STXBP5L: variants seen among roughly 807,000 people sequenced by gnomAD.
STXBP5L encodes syntaxin binding protein 5L.
Under a neutral mutation model 144.5 loss-of-function variants are expected in STXBP5L, and 65 were observed. The observed-to-expected ratio is 0.45, with a 90% confidence interval of 0.37 to 0.55. The LOEUF is 0.55. Among genes scored for constraint, STXBP5L ranks in the 20% least tolerant of loss-of-function variants. The pLI is 0.00. For synonymous variants in STXBP5L, 505 were observed against 469.6 expected, an observed-to-expected ratio of 1.08 and a Z score of -0.97; for missense variants, 1,298 against 1,405.5, an observed-to-expected ratio of 0.92 and a Z score of 1.22.
intron 22 of STXBP5L, among the ~76,000 whole-genome samples, chr3:121,390,155 T>TTTTTTAGTTGATCC (rs1212328363): frequency 1.3e-5 from 2 of 152,228 alleles, no homozygotes; most frequent in African/African-American, 4.8e-5. Context: ...CTTCTTTGTC[T>TTTTTTAGTTGATCC]CTTTTGACCT....
intron 20 of STXBP5L, among the ~76,000 whole-genome samples, chr3:121,328,903 A>G (rs1454462270): frequency 1.3e-5 from 2 of 152,062 alleles, no homozygotes; most frequent in Non-Finnish European, 2.9e-5. Flanking sequence ...TGTAACTACC[A>G]CCTTCTATTC....
At chr3:121,053,740 C>G (rs866563448) in intron 5 of STXBP5L, among the ~76,000 whole-genome samples, 92 of 152,106 alleles carry the variant, frequency 6.0e-4, no homozygotes, top group African/African-American at 1.7e-3. Context: ...TGACAAATGG[C>G]ATCTAATTAA....
chr3:121,159,097 G>A (rs2046221539), intron 9 of STXBP5L: 1 of 151,546 alleles, frequency 6.6e-6, no homozygotes, highest in Non-Finnish European at 1.5e-5. Flanking sequence ...CATTCTTTGG[G>A]TTTATTTTTT....
intron 5 of STXBP5L, among the ~76,000 whole-genome samples, chr3:121,094,939 C>T (rs554970643): frequency 6.6e-6 from 1 of 151,926 alleles, no homozygotes; most frequent in Non-Finnish European, 1.5e-5. Flanking sequence ...TTTAGTGCTT[C>T]CTTCAGGAGC....
At chr3:121,004,684 G>C (rs1944112615) in intron 3 of STXBP5L, among the ~76,000 whole-genome samples, 1 of 152,026 alleles carries the variant, frequency 6.6e-6, no homozygotes, top group African/African-American at 2.4e-5. Flanking sequence ...ATTGGCTGTG[G>C]GTTTGTCATA....
chr3:120,909,846 G>A (rs1220944014), intron 2 of STXBP5L, 79 bp downstream of exon 2: 5 of 1,398,970 alleles, frequency 3.6e-6, no homozygotes, highest in Non-Finnish European at 4.8e-6. Flanking sequence ...AAACATACCA[G>A]GAACAGGAAA....
intron 3 of STXBP5L, among the ~76,000 whole-genome samples, chr3:121,001,935 A>G (rs887391741): frequency 6.6e-6 from 1 of 152,150 alleles, no homozygotes; most frequent in Non-Finnish European, 1.5e-5. Flanking sequence ...TGCATTCACC[A>G]CATTTTTTTA....
chr3:121,359,556 C>G (rs1319656862), intron 20 of STXBP5L, among the ~76,000 whole-genome samples: 1 of 151,944 alleles, frequency 6.6e-6, no homozygotes, highest in East Asian at 1.9e-4. Flanking sequence ...ATACCCCAAT[C>G]TTGTAGTAGT....
chr3:121,333,573 A>G lies in STXBP5L; in HGVS notation c.2176+15033A>G, dbSNP rs543595652. On this transcript the variant is annotated intron_variant, in intron 20 of 26. Coordinates refer to ENST00000471454, the MANE Select transcript of STXBP5L (RefSeq NM_001308330.2). ...CACACACACAAAAAAAAAACATTCA[A>G]AAGATCAATGAAATTAGGAGCTGGA... 3.0e-4 allele frequency among the ~76,000 whole-genome samples: 46 copies of G among 152,184 alleles called. 1 individual carries two copies. In the East Asian group the frequency reaches 8.5e-3, roughly 28 times the overall value.
intron 3 of STXBP5L, among the ~76,000 whole-genome samples, chr3:120,966,643 A>G (rs987264657): frequency 2.0e-5 from 3 of 152,174 alleles, no homozygotes; most frequent in Non-Finnish European, 2.9e-5. Context: ...GCAGAACAGC[A>G]AATATTGCTG....
intron 7 of STXBP5L, among the ~76,000 whole-genome samples, chr3:121,139,909 G>C (rs1308273750): frequency 6.6e-6 from 1 of 151,922 alleles, no homozygotes; most frequent in Non-Finnish European, 1.5e-5. Flanking sequence ...GAAAATATTT[G>C]TCAACTATAC....
At chr3:121,362,143 GTCTC>G (rs367868375) in intron 20 of STXBP5L, among the ~76,000 whole-genome samples, 2 of 151,504 alleles carry the variant, frequency 1.3e-5, no homozygotes, top group African/African-American at 4.8e-5. Context: ...AACATACAGA[GTCTC>G]TCTCTCTCTC....
rs141323096 is a variant in STXBP5L at position 121,048,022 on chromosome 3, C to T, written c.470+2487C>T. Among the ~76,000 whole-genome samples, 469 of 152,206 alleles carry T rather than the reference C, an allele frequency of 3.1e-3. 5 individuals are homozygous for T. The highest frequency in any genetic ancestry group is 0.011 in the African/African-American group (450 of 41,538). On this transcript the variant is annotated intron_variant, in intron 5 of 26. Coordinates refer to ENST00000471454, the MANE Select transcript of STXBP5L (RefSeq NM_001308330.2). ...TCCATATTTAGCACTCCTTTCAGGA[C>T]CTCTTGTAAGGCAGGTCTGGTGGTC...
At position 121,299,177 on chromosome 3, in the gene STXBP5L, C is replaced by T. The variant is rs548453730; in HGVS notation, c.2110+19221C>T. Among the ~76,000 whole-genome samples, 342 of 152,250 alleles carry T rather than the reference C, an allele frequency of 2.2e-3. 2 individuals are homozygous for T. Among genetic ancestry groups the T allele is most frequent in the Non-Finnish European group, 3.5e-3 (236 of 67,982 alleles). ...AAATCAAAAGCAAGTTTCATGAAAT[C>T]ATCTATCATCGTCATTTTTTGAAAA... On this transcript the variant is annotated intron_variant, in intron 19 of 26. Coordinates refer to ENST00000471454, the MANE Select transcript of STXBP5L (RefSeq NM_001308330.2).
intron 26 of STXBP5L, 53 bp from the exon 27 acceptor site, chr3:121,419,003 A>G: frequency 1.3e-6 from 2 of 1,580,066 alleles, no homozygotes; most frequent in South Asian, 1.2e-5. Flanking sequence ...CTTGCTTTGA[A>G]TAGCACTTTT....
At chr3:121,305,957 T>C (rs1018277654) in intron 19 of STXBP5L, among the ~76,000 whole-genome samples, 7 of 152,164 alleles carry the variant, frequency 4.6e-5, no homozygotes, top group East Asian at 1.9e-4. Context: ...TAGACAACAA[T>C]TAATTATATT....
intron 3 of STXBP5L, among the ~76,000 whole-genome samples, chr3:121,037,248 TTTTTC>T (rs1299148700): frequency 6.6e-6 from 1 of 151,274 alleles, no homozygotes; most frequent in Non-Finnish European, 1.5e-5. Flanking sequence ...TTTTTCTGTC[TTTTTC>T]TTTTCTTTTT....
Position 121,279,816 on chromosome 3 carries a change from G to A in STXBP5L, c.1970G>A (p.Gly657Glu). ...VSSAYGIVAF[G>E]NCNGLAVVDF... ...TTTTTCTCTCTTAGAGTTGCATTTGGGAACTGCAATGGGTTGGCTGTGGTG... is the reference window on the plus strand; with the variant it reads ...TTTTTCTCTCTTAGAGTTGCATTTGAGAACTGCAATGGGTTGGCTGTGGTG... The change falls in exon 19 of 27, where the codon GGG becomes GAG. Residue 657 changes from glycine to glutamate, a missense_variant. Physicochemically the swap from Gly to Glu is moderately conservative, Grantham distance 98. Coordinates refer to ENST00000471454, the MANE Select transcript of STXBP5L (RefSeq NM_001308330.2). 6.2e-7 allele frequency: 1 copy of A among 1,611,916 alleles called. No individual in the cohort carries two copies. The highest frequency in any genetic ancestry group is 1.3e-5 in the African/African-American group (1 of 74,868).
At chr3:121,378,945 G>A in intron 21 of STXBP5L, 59 bp downstream of exon 21, 6 of 1,528,072 alleles carry the variant, frequency 3.9e-6, no homozygotes, top group Non-Finnish European at 5.4e-6. Flanking sequence ...CAATGGTAAT[G>A]GGAACAGAGA....
Sources: gnomAD v4.1 joint callset for allele counts (sites outside exome capture counted in the v4.1 genomes callset) on GRCh38, gnomAD v4.1.1 for gene constraint, MANE v1.5 for transcripts, NCBI Gene and HGNC (gene_info 2026-07-23, HGNC 2026-07-21) for gene names.